The following GLG1 variants were observed in gnomAD, a reference collection of about 807,000 sequenced individuals.
GLG1 encodes Golgi apparatus protein 1.
GLG1 carries 38 observed loss-of-function variants against 160.5 expected under a neutral mutation model. The observed-to-expected ratio is 0.24, with a 90% CI of 0.18 to 0.31. GLG1 has a LOEUF of 0.31. Ranked by LOEUF, GLG1 falls within the 10% of genes least tolerant of loss-of-function variation. The pLI is 1.00. For synonymous variants in GLG1, 644 were observed against 543.4 expected, an observed-to-expected ratio of 1.19 and a Z score of -2.57; for missense variants, 1,373 against 1,505.2, an observed-to-expected ratio of 0.91 and a Z score of 1.45.
At position 74,552,695 on chromosome 16, in the gene GLG1, A is replaced by C. The variant is rs542219668; in HGVS notation, c.439-20542T>G. ...AGGCTGGGGTTGGGTCAGCAACCAAATTCCAGTTTAGAAGCAGATTTGGTT... is the reference window on the plus strand; with the variant it reads ...AGGCTGGGGTTGGGTCAGCAACCAACTTCCAGTTTAGAAGCAGATTTGGTT... On this transcript the variant is annotated intron_variant, in intron 1 of 25. Coordinates refer to ENST00000422840, the MANE Select transcript of GLG1 (RefSeq NM_001145667.2). 1.0e-3 allele frequency: 172 copies of C among 168,574 alleles called. 1 individual carries two copies. The highest frequency in any genetic ancestry group is 4.1e-3 in the African/African-American group (169 of 40,988). The allele number at this position is 168,574 out of a possible 1,614,324, so 10.4% of individuals were successfully genotyped here.
At position 74,463,806 on chromosome 16, in the gene GLG1, A is replaced by G. The variant is rs1597225814; in HGVS notation, c.2668-327T>C. ...GCCAGGCTGGTCTTGAACTCCTGGTATCAGGTGATCCACCCACCTGGGCTT... is the reference window on the plus strand; with the variant it reads ...GCCAGGCTGGTCTTGAACTCCTGGTGTCAGGTGATCCACCCACCTGGGCTT... On this transcript the variant is annotated intron_variant, in intron 19 of 25. Transcript: ENST00000422840. 5 of 265,224 alleles carry G rather than the reference A, an allele frequency of 1.9e-5. No homozygotes were observed. In the South Asian group the frequency reaches 1.9e-4, roughly 10 times the overall value. The allele number at this position is 265,224 out of a possible 1,614,324, so 16.4% of individuals were successfully genotyped here. A position where few individuals can be genotyped will look rare whatever the true frequency, so the allele number is the denominator to read the frequency against.
intron 2 of GLG1, among the ~76,000 whole-genome samples, chr16:74,514,810 T>G (rs2016927029): frequency 1.3e-5 from 2 of 152,144 alleles, no homozygotes; most frequent in Admixed American, 1.3e-4. Flanking sequence ...TAAATGTAAA[T>G]GGGCTAAATG....
intron 18 of GLG1, among the ~76,000 whole-genome samples, chr16:74,466,569 T>A (rs905310620): frequency 6.6e-6 from 1 of 152,020 alleles, no homozygotes; most frequent in African/African-American, 2.4e-5. Context: ...AGAAAGATGA[T>A]AAATAAAATG....
At chr16:74,524,584 T>C (rs1377310046) in intron 2 of GLG1, among the ~76,000 whole-genome samples, 1 of 152,142 alleles carries the variant, frequency 6.6e-6, no homozygotes, top group African/African-American at 2.4e-5. Context: ...TACTGAAATA[T>C]TAACAGATGA....
chr16:74,486,622 G>T, intron 8 of GLG1, among the ~76,000 whole-genome samples: 1 of 152,128 alleles, frequency 6.6e-6, no homozygotes, highest in East Asian at 1.9e-4. Flanking sequence ...AAAGACAGGA[G>T]AATAGGTACT....
chr16:74,448,806 A>G lies in GLG1; in HGVS notation c.*4361T>C, dbSNP rs1475963364. 1 of 149,512 alleles carries G rather than the reference A, an allele frequency of 6.7e-6. No individual in the cohort carries two copies. The highest frequency in any genetic ancestry group is 6.7e-5 in the Admixed American group (1 of 14,916). 9.3% of individuals were successfully genotyped at this position (149,512 alleles called of 1,614,324 possible). On this transcript the variant is annotated 3_prime_UTR_variant, in exon 26 of 26. Coordinates refer to ENST00000422840, the MANE Select transcript of GLG1 (RefSeq NM_001145667.2). ...GCGTGGTGGCTCACGCCTGTAATGC[A>G]CTTTGGAAGGCCGAAGTGCACTTTG...
At chr16:74,474,692 G>A in intron 12 of GLG1, 60 bp from the exon 13 acceptor site, 1 of 821,588 alleles carries the variant, frequency 1.2e-6, no homozygotes, top group Admixed American at 1.7e-5. Context: ...CAAGGCAAGG[G>A]GAGATATCAG....
intron 2 of GLG1, among the ~76,000 whole-genome samples, chr16:74,510,221 G>A (rs1362883740): frequency 6.6e-6 from 1 of 151,724 alleles, no homozygotes; most frequent in African/African-American, 2.4e-5. Context: ...AGTAGAGATG[G>A]GGTTTCTCCA....
At chr16:74,490,905 A>G in intron 8 of GLG1, 96 bp downstream of exon 8, 1 of 806,998 alleles carries the variant, frequency 1.2e-6, no homozygotes. Context: ...GTGATACCAC[A>G]GATGATCCAT....
At chr16:74,554,458 C>A (rs963648602) in intron 1 of GLG1, among the ~76,000 whole-genome samples, 1 of 152,180 alleles carries the variant, frequency 6.6e-6, no homozygotes, top group Admixed American at 6.5e-5. Context: ...CACTTCATCC[C>A]AGGAAGCAGA....
At chr16:74,459,856 T>TC (rs1217717670) in intron 22 of GLG1, 67 bp from the exon 23 acceptor site, 7 of 757,592 alleles carry the variant, frequency 9.2e-6, no homozygotes, top group South Asian at 1.9e-5. Flanking sequence ...AGTTTCTTCT[T>TC]TTTTTTTTTT....
chr16:74,577,520 C>T (rs868825900), intron 1 of GLG1, among the ~76,000 whole-genome samples: 1 of 63,686 alleles, frequency 1.6e-5, no homozygotes, highest in African/African-American at 8.9e-5. Flanking sequence ...GAAACTCCAT[C>T]TCAAAAAAAA....
At chr16:74,522,752 T>C (rs1490904802) in intron 2 of GLG1, among the ~76,000 whole-genome samples, 3 of 152,180 alleles carry the variant, frequency 2.0e-5, no homozygotes, top group Non-Finnish European at 2.9e-5. Context: ...GGCGTGAACA[T>C]GGCTCACTGC....
chr16:74,452,398 A>C lies in GLG1; in HGVS notation c.*769T>G, dbSNP rs1358145991. 7 of 1,225,472 alleles carry C rather than the reference A, an allele frequency of 5.7e-6. No individual in the cohort carries two copies. Among genetic ancestry groups the C allele is most frequent in the African/African-American group, 4.6e-5 (3 of 65,864 alleles). The allele number at this position is 1,225,472 out of a possible 1,614,324, so 75.9% of individuals were successfully genotyped here. On this transcript the variant is annotated 3_prime_UTR_variant, in exon 26 of 26. Coordinates refer to ENST00000422840, the MANE Select transcript of GLG1 (RefSeq NM_001145667.2). ...AGATGGATGGACTGTTCAACTTCACAAACTTCCGGTCCCTTCCCCTCCCCA... is the reference window on the plus strand; with the variant it reads ...AGATGGATGGACTGTTCAACTTCACCAACTTCCGGTCCCTTCCCCTCCCCA...
At chr16:74,463,050 A>G (rs1304513216) in intron 20 of GLG1, 5 of 452,370 alleles carry the variant, frequency 1.1e-5, no homozygotes, top group African/African-American at 5.9e-5. Flanking sequence ...TTACCCGTAC[A>G]TTCTCCTGGC....
chr16:74,505,242 T>A (rs189788578), intron 3 of GLG1, among the ~76,000 whole-genome samples: 1 of 152,186 alleles, frequency 6.6e-6, no homozygotes, highest in South Asian at 2.1e-4. Flanking sequence ...AACTCCAGTA[T>A]CAAATCCAGA....
chr16:74,495,319 G>C (rs1391389276), intron 5 of GLG1, among the ~76,000 whole-genome samples: 4 of 152,070 alleles, frequency 2.6e-5, no homozygotes, highest in African/African-American at 9.7e-5. Context: ...TCACCATATT[G>C]GTCAGGCTGG....
intron 16 of GLG1, chr16:74,469,645 C>A: frequency 3.8e-6 from 1 of 265,464 alleles, no homozygotes; most frequent in Non-Finnish European, 7.2e-6. Context: ...GATGACATAA[C>A]GGGACGACGC....
rs537252703 is a variant in GLG1, at chr16:74,450,896, A to C, written c.*2271T>G. ...TTTCAAGAACCAAATTCCTCATCAA[A>C]CTTCCAAATCTGCAGACAACGAATG... On this transcript the variant is annotated 3_prime_UTR_variant, in exon 26 of 26. Coordinates refer to ENST00000422840, the MANE Select transcript of GLG1 (RefSeq NM_001145667.2). 5.3e-5 allele frequency: 8 copies of C among 152,324 alleles called. No individual in the cohort carries two copies. Among genetic ancestry groups the C allele is most frequent in the African/African-American group, 1.7e-4 (7 of 41,566 alleles). The allele number at this position is 152,324 out of a possible 1,614,324, so 9.4% of individuals were successfully genotyped here.
Sources: gnomAD v4.1 joint callset for allele counts (sites outside exome capture counted in the v4.1 genomes callset) on GRCh38, gnomAD v4.1.1 for gene constraint, MANE v1.5 for transcripts, NCBI Gene and HGNC (gene_info 2026-07-23, HGNC 2026-07-21) for gene names.